Variants in NRXN3 observed in about 807,000 individuals in gnomAD.
NRXN3 encodes the protein neurexin III.
In NRXN3, 32 loss-of-function variants were observed where a neutral mutation model predicts 137.6. The ratio of observed to expected loss-of-function variants is 0.23; its 90% CI spans 0.18 to 0.31. The LOEUF (loss-of-function observed/expected upper bound fraction) is 0.31. NRXN3 is among the 10% of genes least tolerant of loss of function. NRXN3 has a pLI of 1.00. For synonymous variants in NRXN3, 798 were observed against 784.5 expected (o/e 1.02, Z -0.29); for missense variants, 1,574 against 2,062.5 (o/e 0.76, Z 4.59).
intron 15 of NRXN3, among the ~76,000 whole-genome samples, chr14:79,427,227 A>G (rs1362560172): frequency 6.6e-6 from 1 of 152,162 alleles, no homozygotes; most frequent in African/African-American, 2.4e-5. Flanking sequence ...GGGAACTGTA[A>G]AAGTCTGTGA....
intron 15 of NRXN3, among the ~76,000 whole-genome samples, chr14:79,056,791 T>C (rs952393297): frequency 2.6e-5 from 4 of 152,206 alleles, no homozygotes; most frequent in African/African-American, 9.6e-5. Context: ...GGACAAGGCA[T>C]AAGGCAATAA....
chr14:79,841,254 C>T (rs2099355187), intron 20 of NRXN3, among the ~76,000 whole-genome samples: 1 of 152,126 alleles, frequency 6.6e-6, no homozygotes, highest in Non-Finnish European at 1.5e-5. Flanking sequence ...CCTGTACATT[C>T]CCTGCAATGA....
At chr14:79,446,267 T>A (rs1358278393) in intron 15 of NRXN3, among the ~76,000 whole-genome samples, 1 of 152,218 alleles carries the variant, frequency 6.6e-6, no homozygotes, top group Non-Finnish European at 1.5e-5. Context: ...GCCCTGATGG[T>A]CAAGAAATTC....
intron 4 of NRXN3, among the ~76,000 whole-genome samples, chr14:78,586,761 T>A (rs974423188): frequency 3.3e-5 from 5 of 152,232 alleles, no homozygotes; most frequent in African/African-American, 1.2e-4. Flanking sequence ...CTTCAGCATC[T>A]GCTTTTTACT....
At chr14:79,167,222 T>C (rs1304362609) in intron 15 of NRXN3, among the ~76,000 whole-genome samples, 1 of 152,070 alleles carries the variant, frequency 6.6e-6, no homozygotes, top group African/African-American at 2.4e-5. Context: ...CTTCCCACAA[T>C]AGCCTGTTTA....
intron 10 of NRXN3, among the ~76,000 whole-genome samples, chr14:78,858,971 T>C (rs1371752328): frequency 6.6e-6 from 1 of 152,174 alleles, no homozygotes; most frequent in Admixed American, 6.5e-5. Context: ...GGTTTGGCTG[T>C]ATCCCCCACC....
intron 20 of NRXN3, among the ~76,000 whole-genome samples, chr14:79,826,347 G>T (rs745458322): frequency 4.6e-5 from 7 of 152,172 alleles, no homozygotes; most frequent in Non-Finnish European, 8.8e-5. Context: ...TTGGAGAAAA[G>T]TTGCAAGAAT....
chr14:78,837,412 T>A (rs545874932), intron 10 of NRXN3, among the ~76,000 whole-genome samples: 1 of 152,120 alleles, frequency 6.6e-6, no homozygotes, highest in Non-Finnish European at 1.5e-5. Flanking sequence ...TGGTGAGTGA[T>A]CCTGGAATTT....
intron 4 of NRXN3, among the ~76,000 whole-genome samples, chr14:78,398,675 A>G (rs2091757353): frequency 6.6e-6 from 1 of 152,164 alleles, no homozygotes; most frequent in South Asian, 2.1e-4. Flanking sequence ...TTGCCTCATT[A>G]TGTTGGGTGC....
At chr14:78,466,546 T>C (rs1357469945) in intron 4 of NRXN3, among the ~76,000 whole-genome samples, 1 of 152,204 alleles carries the variant, frequency 6.6e-6, no homozygotes, top group African/African-American at 2.4e-5. Context: ...AAGAAAGTGG[T>C]TTAATGGCTT....
At chr14:78,589,311 C>G (rs1459910642) in intron 4 of NRXN3, among the ~76,000 whole-genome samples, 2 of 152,166 alleles carry the variant, frequency 1.3e-5, no homozygotes, top group Non-Finnish European at 2.9e-5. Context: ...CTGAGTCTAT[C>G]TGGGGGCCTT....
chr14:78,344,623 T>C (rs2082506835), intron 4 of NRXN3, among the ~76,000 whole-genome samples: 1 of 152,212 alleles, frequency 6.6e-6, no homozygotes, highest in Non-Finnish European at 1.5e-5. Context: ...TTGAGACTTC[T>C]TGGGGGCACT....
At chr14:79,693,926 G>T (rs1226088570) in intron 18 of NRXN3, among the ~76,000 whole-genome samples, 2 of 151,978 alleles carry the variant, frequency 1.3e-5, no homozygotes, top group African/African-American at 4.8e-5. Context: ...AAAAATTTTT[G>T]TTGTAATTTG....
chr14:79,720,478 A>G (rs1487732547), intron 19 of NRXN3, among the ~76,000 whole-genome samples: 2 of 152,034 alleles, frequency 1.3e-5, no homozygotes, highest in African/African-American at 4.8e-5. Flanking sequence ...GTTGTGATGA[A>G]CACTATGCAC....
chr14:79,059,702 A>C (rs2099671762), intron 15 of NRXN3, among the ~76,000 whole-genome samples: 1 of 152,166 alleles, frequency 6.6e-6, no homozygotes, highest in Admixed American at 6.5e-5. Context: ...TTTCTGACTC[A>C]AGTCACAAGA....
At chr14:78,971,846 G>A (rs888867574) in intron 14 of NRXN3, among the ~76,000 whole-genome samples, 2 of 152,086 alleles carry the variant, frequency 1.3e-5, no homozygotes, top group Non-Finnish European at 2.9e-5. Flanking sequence ...ATGTTGGCCA[G>A]GCTGGTCTCG....
At chr14:78,417,155 G>A (rs964559174) in intron 4 of NRXN3, among the ~76,000 whole-genome samples, 8 of 152,186 alleles carry the variant, frequency 5.3e-5, no homozygotes, top group African/African-American at 1.7e-4. Context: ...ATGCCTGTGG[G>A]ATGTTGTCCA....
At chr14:79,299,274 C>G (rs1025464071) in intron 15 of NRXN3, among the ~76,000 whole-genome samples, 1 of 151,852 alleles carries the variant, frequency 6.6e-6, no homozygotes, top group Non-Finnish European at 1.5e-5. Flanking sequence ...AGAATCACAG[C>G]CATGTAGAGG....
chr14:79,073,794 A>G (rs981516234), intron 15 of NRXN3, among the ~76,000 whole-genome samples: 4 of 152,186 alleles, frequency 2.6e-5, no homozygotes, highest in Non-Finnish European at 5.9e-5. Flanking sequence ...TTTGTAAAGT[A>G]GCATACATAG....
Sources: gnomAD v4.1 joint callset for allele counts (sites outside exome capture counted in the v4.1 genomes callset) on GRCh38, gnomAD v4.1.1 for gene constraint, MANE v1.5 for transcripts, NCBI Gene and HGNC (gene_info 2026-07-23, HGNC 2026-07-21) for gene names.